The following ACAP2 variants were observed in gnomAD, a reference collection of about 807,000 sequenced individuals.
The protein encoded by ACAP2 is arf-GAP with coiled-coil, ANK repeat and PH domain-containing protein 2.
In ACAP2, 39 loss-of-function variants were observed where a neutral mutation model predicts 115.8. The ratio of observed to expected loss-of-function variants is 0.34; its 90% CI spans 0.26 to 0.44. The LOEUF is 0.44. ACAP2 is among the 20% of genes least tolerant of loss of function. The pLI is 1.00. For missense variants in ACAP2, 662 were observed against 927.6 expected, an observed-to-expected ratio of 0.71 and a Z score of 3.72; for synonymous variants, 289 against 315.8, an observed-to-expected ratio of 0.92 and a Z score of 0.90.
intron 1 of ACAP2, among the ~76,000 whole-genome samples, chr3:195,432,900 T>A (rs1715244831): frequency 6.6e-6 from 1 of 152,222 alleles, no homozygotes; most frequent in South Asian, 2.1e-4. Flanking sequence ...ACTTTCCTCT[T>A]TTTGACGCCA....
chr3:195,433,008 T>C (rs774956010), intron 1 of ACAP2, among the ~76,000 whole-genome samples: 1 of 152,220 alleles, frequency 6.6e-6, no homozygotes, highest in Non-Finnish European at 1.5e-5. Flanking sequence ...TTACTAGTTA[T>C]AACTGATTTT....
intron 1 of ACAP2, among the ~76,000 whole-genome samples, chr3:195,404,504 G>T (rs1281851154): frequency 1.3e-5 from 2 of 151,896 alleles, no homozygotes; most frequent in Non-Finnish European, 2.9e-5. Flanking sequence ...CTGAAAATGA[G>T]TTGTAACATT....
At chr3:195,384,458 G>A (rs921335555) in intron 2 of ACAP2, among the ~76,000 whole-genome samples, 3 of 152,188 alleles carry the variant, frequency 2.0e-5, no homozygotes, top group Non-Finnish European at 4.4e-5. Context: ...CAGGCATGGT[G>A]GCTCACGCCT....
At chr3:195,440,831 C>T (rs1715935740) in intron 1 of ACAP2, among the ~76,000 whole-genome samples, 1 of 151,924 alleles carries the variant, frequency 6.6e-6, no homozygotes, top group African/African-American at 2.4e-5. Flanking sequence ...CTAATTTGTC[C>T]CCAAAATGTA....
At chr3:195,328,879 A>G (rs1368459782) in intron 8 of ACAP2, among the ~76,000 whole-genome samples, 1 of 152,208 alleles carries the variant, frequency 6.6e-6, no homozygotes, top group East Asian at 1.9e-4. Context: ...GTAGATCGAG[A>G]CCATCCTGGC....
At chr3:195,381,144 G>C (rs1733915587) in intron 3 of ACAP2, 82 bp from the exon 4 acceptor site, 1 of 996,190 alleles carries the variant, frequency 1.0e-6, no homozygotes, top group African/African-American at 1.6e-5. Flanking sequence ...CAGAATTTCT[G>C]ACAGAAGATC....
At chr3:195,412,840 A>G (rs1259522068) in intron 1 of ACAP2, 1 of 447,426 alleles carries the variant, frequency 2.2e-6, no homozygotes, top group Non-Finnish European at 4.5e-6. Context: ...TTCCTTGAGC[A>G]CTTACTGGAT....
intron 13 of ACAP2, among the ~76,000 whole-genome samples, 195 bp from the exon 14 acceptor site, chr3:195,302,369 T>G (rs1728120588): frequency 1.3e-5 from 2 of 152,102 alleles, no homozygotes; most frequent in Non-Finnish European, 1.5e-5. Context: ...TTTATTCCAG[T>G]GGGGAGAAAC....
intron 6 of ACAP2, among the ~76,000 whole-genome samples, chr3:195,337,490 G>C (rs529440667): frequency 1.6e-4 from 22 of 137,666 alleles, no homozygotes; most frequent in African/African-American, 5.3e-4. Context: ...CTCTTATTGC[G>C]CAGGCTGCAG....
At chr3:195,301,127 C>A (rs59563484) in intron 15 of ACAP2, among the ~76,000 whole-genome samples, 34,645 of 151,198 alleles carry the variant, frequency 0.23, 4,707 homozygotes, top group East Asian at 0.71. Context: ...TCTCTGTTAC[C>A]CAGGCTGGAG....
intron 7 of ACAP2, 73 bp from the exon 8 acceptor site, chr3:195,333,196 A>T: frequency 1.6e-6 from 1 of 634,756 alleles, no homozygotes; most frequent in Non-Finnish European, 2.4e-6. Flanking sequence ...ACATATATAT[A>T]TAAAAATATA....
intron 9 of ACAP2, among the ~76,000 whole-genome samples, chr3:195,322,449 G>A (rs1344381754): frequency 6.6e-6 from 1 of 151,964 alleles, no homozygotes; most frequent in African/African-American, 2.4e-5. Flanking sequence ...ACAGGAAACA[G>A]ACTAAATTCA....
At chr3:195,298,252 CTTTTTT>C (rs33951107) in intron 15 of ACAP2, among the ~76,000 whole-genome samples, 8 of 109,950 alleles carry the variant, frequency 7.3e-5, no homozygotes, top group Non-Finnish European at 1.5e-4. Flanking sequence ...TTTCTCTCCT[CTTTTTT>C]TTTTTTTTTT....
At chr3:195,391,971 G>A in intron 2 of ACAP2, 119 bp downstream of exon 2, 2 of 756,194 alleles carry the variant, frequency 2.6e-6, no homozygotes, top group Admixed American at 2.8e-5. Flanking sequence ...CTTCAGCCTG[G>A]GCGACAGAGT....
At chr3:195,428,174 A>T (rs1714823747) in intron 1 of ACAP2, among the ~76,000 whole-genome samples, 1 of 151,646 alleles carries the variant, frequency 6.6e-6, no homozygotes, top group Non-Finnish European at 1.5e-5. Flanking sequence ...CTGGAATGTG[A>T]CTGTATATAT....
chr3:195,371,308 C>A (rs1733123820), intron 4 of ACAP2, among the ~76,000 whole-genome samples: 1 of 152,070 alleles, frequency 6.6e-6, no homozygotes, highest in Admixed American at 6.6e-5. Flanking sequence ...GTATTTTATT[C>A]TTTTCCTGGC....
chr3:195,286,634 A>G (rs1055183376), intron 21 of ACAP2, among the ~76,000 whole-genome samples: 3 of 152,138 alleles, frequency 2.0e-5, no homozygotes, highest in Non-Finnish European at 2.9e-5. Context: ...AACTTTTCCT[A>G]TCTTCAAAGT....
At chr3:195,315,913 G>C (rs1189566067) in intron 10 of ACAP2, among the ~76,000 whole-genome samples, 2 of 151,992 alleles carry the variant, frequency 1.3e-5, no homozygotes, top group Non-Finnish European at 2.9e-5. Flanking sequence ...AATCAAAATC[G>C]ACTTCCTTCT....
intron 1 of ACAP2, among the ~76,000 whole-genome samples, chr3:195,426,413 A>G (rs2108847273): frequency 6.6e-6 from 1 of 152,350 alleles, no homozygotes; most frequent in East Asian, 1.9e-4. Flanking sequence ...GTCCCAAGGA[A>G]ACAATCAGAA....
Sources: allele counts gnomAD v4.1 joint callset (sites outside exome capture counted in the v4.1 genomes callset), GRCh38; gene constraint gnomAD v4.1.1; transcripts MANE v1.5; gene names NCBI Gene and HGNC (gene_info 2026-07-23, HGNC 2026-07-21).